Variants in PTBP3 observed in about 807,000 individuals in gnomAD.
The protein encoded by PTBP3 is polypyrimidine tract-binding protein 3.
PTBP3 carries 20 observed loss-of-function variants against 58.7 expected under a neutral mutation model. The ratio of observed to expected loss-of-function variants is 0.34; its 90% CI spans 0.24 to 0.50. PTBP3 has a LOEUF of 0.50. PTBP3 is among the 20% of genes least tolerant of loss of function. PTBP3 has a pLI of 0.98. For synonymous variants in PTBP3, 185 were observed against 219.8 expected, an observed-to-expected ratio of 0.84 and a Z score of 1.40; for missense variants, 509 against 637.2, an observed-to-expected ratio of 0.80 and a Z score of 2.17.
downstream of PTBP3, chr9:112,218,100 G>A (rs1004386655): frequency 8.5e-5 from 13 of 152,184 alleles, no homozygotes; most frequent in African/African-American, 2.9e-4. Context: ...CACATATGGG[G>A]AGAAAGAGAG....
chr9:112,314,426 T>G (rs186481070), intron 1 of PTBP3, among the ~76,000 whole-genome samples: 55 of 152,276 alleles, frequency 3.6e-4, no homozygotes, highest in Non-Finnish European at 7.1e-4. Context: ...CTGGGTGCAG[T>G]AGCTCGTGCC....
At position 112,267,950 on chromosome 9, in the gene PTBP3, A is replaced by C. The variant is rs75351997; in HGVS notation, c.351+99T>G. 1.6e-3 allele frequency: 1,898 copies of C among 1,154,924 alleles called. 30 individuals carry two copies. In the African/African-American group the frequency reaches 0.027, roughly 16 times the overall value. 71.5% of individuals were successfully genotyped at this position (1,154,924 alleles called of 1,614,324 possible). On this transcript the variant is annotated intron_variant, in intron 4 of 13. Coordinates refer to ENST00000374257, the MANE Select transcript of PTBP3 (RefSeq NM_001163788.4). ...AATTATGACTAGTAAAGTATCCTAA[A>C]ATGAATAAAAGCACATAATTTTTCT...
intron 4 of PTBP3, among the ~76,000 whole-genome samples, chr9:112,264,253 T>C (rs1055845921): frequency 2.0e-5 from 3 of 152,192 alleles, no homozygotes; most frequent in African/African-American, 7.2e-5. Context: ...AATGCACAGA[T>C]CTTAAATGTT....
chr9:112,271,386 T>G (rs1035551971), intron 3 of PTBP3, among the ~76,000 whole-genome samples: 3 of 152,180 alleles, frequency 2.0e-5, no homozygotes, highest in African/African-American at 7.2e-5. Context: ...AAGTTTCAGA[T>G]TTAGAGCACC....
chr9:112,233,644 G>A (rs1292772469), intron 8 of PTBP3, among the ~76,000 whole-genome samples: 1 of 151,958 alleles, frequency 6.6e-6, no homozygotes, highest in Non-Finnish European at 1.5e-5. Context: ...AAAGAGAGTA[G>A]TTATTGGCCA....
At chr9:112,274,639 C>A (rs1827531790) in intron 3 of PTBP3, among the ~76,000 whole-genome samples, 1 of 152,190 alleles carries the variant, frequency 6.6e-6, no homozygotes, top group South Asian at 2.1e-4. Flanking sequence ...AGACTCTTTA[C>A]AGTCTCTTCT....
intron 3 of PTBP3, among the ~76,000 whole-genome samples, chr9:112,271,696 C>T (rs1362306181): frequency 6.6e-6 from 1 of 151,832 alleles, no homozygotes; most frequent in Admixed American, 6.6e-5. Context: ...CAGTGAACTC[C>T]AGTGTACTCC....
rs1466862972 is a variant in PTBP3, at chr9:112,219,385, G to C, written c.*4466C>G. 1.3e-5 allele frequency: 2 copies of C among 152,326 alleles called. No homozygotes were observed. The highest frequency in any genetic ancestry group is 2.9e-5 in the Non-Finnish European group (2 of 68,028). The allele number at this position is 152,326 out of a possible 1,614,324, so 9.4% of individuals were successfully genotyped here. On this transcript the variant is annotated 3_prime_UTR_variant, in exon 14 of 14. Coordinates refer to ENST00000374257, the MANE Select transcript of PTBP3 (RefSeq NM_001163788.4). ...TACAACTACTACATAGATCCAAGAA[G>C]TGAAAATAATACAACAACAAATCAG...
chr9:112,277,899 AAC>A (rs1827681755), intron 2 of PTBP3, among the ~76,000 whole-genome samples: 3 of 98,228 alleles, frequency 3.1e-5, no homozygotes, highest in African/African-American at 1.3e-4. Flanking sequence ...AACATAACAT[AAC>A]ATAACATAAC....
chr9:112,345,372 GA>G, the PTBP3 span, among the ~76,000 whole-genome samples: 17 of 84,854 alleles, frequency 2.0e-4, no homozygotes, highest in African/African-American at 7.4e-4. Context: ...AAAAAAAAAG[GA>G]AAAAAAATTT....
At position 112,279,042 on chromosome 9, in the gene PTBP3, T is replaced by C. The variant is rs372661517; in HGVS notation, c.35-3029A>G. 9.8e-4 allele frequency among the ~76,000 whole-genome samples: 150 copies of C among 152,294 alleles called. 1 individual carries two copies. Among genetic ancestry groups the C allele is most frequent in the African/African-American group, 3.3e-3 (138 of 41,564 alleles). On this transcript the variant is annotated intron_variant, in intron 2 of 13. Coordinates refer to ENST00000374257, the MANE Select transcript of PTBP3 (RefSeq NM_001163788.4). ...CCAAATTAACTGAACATATTATTACTATATGAAATCTCAAAATCTAAGAAC... is the reference window on the plus strand; with the variant it reads ...CCAAATTAACTGAACATATTATTACCATATGAAATCTCAAAATCTAAGAAC...
At chr9:112,247,101 G>A (rs868609767) in intron 7 of PTBP3, among the ~76,000 whole-genome samples, 1 of 151,956 alleles carries the variant, frequency 6.6e-6, no homozygotes. Context: ...GGGTATGATG[G>A]TGAGTGACTG....
At position 112,221,985 on chromosome 9, in the gene PTBP3, C is replaced by T. The variant is rs368296265; in HGVS notation, c.*1866G>A. On this transcript the variant is annotated 3_prime_UTR_variant, in exon 14 of 14. Transcript: ENST00000374257. The stretch of plus-strand genomic sequence containing the variant: ...TGGCTATTCACAAATGTGATCATAG[C>T]GCACTGCAGCCTTGAACTCCTGGGC... 454 of 916,662 alleles carry T rather than the reference C, an allele frequency of 5.0e-4. 1 individual carries two copies. The African/African-American group carries it at 7.0e-3, about 14-fold the overall frequency. The allele number at this position is 916,662 out of a possible 1,614,324, so 56.8% of individuals were successfully genotyped here.
At position 112,224,961 on chromosome 9, in the gene PTBP3, C is replaced by T. The variant is rs1834926990; in HGVS notation, c.1365-751G>A. Reference sequence around the variant, plus strand: ...TCTCCAGTTAAAACCTTCAGATGACCACATCCTTGCCTTGCATCGTGATTA... The same window carrying T: ...TCTCCAGTTAAAACCTTCAGATGACTACATCCTTGCCTTGCATCGTGATTA... On this transcript the variant is annotated intron_variant, in intron 12 of 13. Coordinates refer to ENST00000374257, the MANE Select transcript of PTBP3 (RefSeq NM_001163788.4). 1.3e-5 allele frequency among the ~76,000 whole-genome samples: 2 copies of T among 152,166 alleles called. 1 individual carries two copies. Among genetic ancestry groups the T allele is most frequent in the South Asian group, 4.1e-4 (2 of 4,826 alleles).
the PTBP3 span, among the ~76,000 whole-genome samples, chr9:112,351,520 G>T: frequency 1.3e-5 from 2 of 152,096 alleles, no homozygotes; most frequent in Non-Finnish European, 2.9e-5. Flanking sequence ...GTACTCTTTG[G>T]AAAGAAGTCA....
intron 7 of PTBP3, among the ~76,000 whole-genome samples, chr9:112,239,811 A>AAGGAAGGG (rs1274663343): frequency 3.8e-4 from 33 of 87,404 alleles, no homozygotes; most frequent in African/African-American, 1.3e-3. Flanking sequence ...AAAAGGAAGG[A>AAGGAAGGG]AGGAAGGGAG....
At chr9:112,353,801 CA>C in the PTBP3 span, among the ~76,000 whole-genome samples, 248 of 151,436 alleles carry the variant, frequency 1.6e-3, no homozygotes, top group Middle Eastern at 0.01. Context: ...GCCAAAAATA[CA>C]AAAAAATTAG....
At chr9:112,256,597 C>T (rs999917032) in intron 5 of PTBP3, among the ~76,000 whole-genome samples, 1 of 152,192 alleles carries the variant, frequency 6.6e-6, no homozygotes, top group African/African-American at 2.4e-5. Flanking sequence ...GTGGCGCCAT[C>T]ATAGTTCACT....
In PTBP3 at chr9:112,223,522, T is replaced by G; in HGVS notation, c.*329A>C. The G allele has an allele frequency of 1.0e-6, 1 of 954,948 alleles. No homozygotes were observed. Among genetic ancestry groups the G allele is most frequent in the Non-Finnish European group, 1.3e-6 (1 of 787,000 alleles). 59.2% of individuals were successfully genotyped at this position (954,948 alleles called of 1,614,324 possible). On this transcript the variant is annotated 3_prime_UTR_variant, in exon 14 of 14. Transcript: ENST00000374257. ...TTAGAAATGTTGTATAAGGCTGATC[T>G]GGACCCAAACTAAAACAACGTTAAT...
Sources: gnomAD v4.1 joint callset for allele counts (sites outside exome capture counted in the v4.1 genomes callset) on GRCh38, gnomAD v4.1.1 for gene constraint, MANE v1.5 for transcripts, NCBI Gene and HGNC (gene_info 2026-07-23, HGNC 2026-07-21) for gene names.